SORCS3: variants seen among roughly 807,000 people sequenced by gnomAD.
SORCS3 encodes the protein sortilin related VPS10 domain containing receptor 3, also known as VPS10 domain-containing receptor SorCS3.
Under a neutral mutation model 146.3 loss-of-function variants are expected in SORCS3, and 57 were observed. That is an observed-to-expected ratio of 0.39 (90% CI 0.31 to 0.49). The LOEUF is 0.49. SORCS3 is among the 20% of genes least tolerant of loss of function. The probability of loss-of-function intolerance (pLI) is 0.92; values close to 1 mark genes in which losing one functional copy is unlikely to be tolerated. For missense variants in SORCS3, 1,341 were observed against 1,575.5 expected (o/e 0.85, Z 2.52); for synonymous variants, 653 against 618.5 (o/e 1.06, Z -0.83).
At chr10:105,122,867 G>A (rs1564760423) in intron 7 of SORCS3, among the ~76,000 whole-genome samples, 1 of 152,198 alleles carries the variant, frequency 6.6e-6, no homozygotes, top group Non-Finnish European at 1.5e-5. Context: ...CCAAGGGGAA[G>A]TGACTCTTGG....
intron 1 of SORCS3, among the ~76,000 whole-genome samples, chr10:104,802,804 C>T (rs1166570473): frequency 2.0e-5 from 3 of 152,176 alleles, no homozygotes; most frequent in Non-Finnish European, 4.4e-5. Context: ...GAGTAGGAGA[C>T]ACCAAATTGA....
chr10:104,724,001 A>G (rs924340570), intron 1 of SORCS3, among the ~76,000 whole-genome samples: 6 of 152,146 alleles, frequency 3.9e-5, no homozygotes, highest in Admixed American at 6.5e-5. Flanking sequence ...GTGATGTGTG[A>G]ATTTGATCCT....
At chr10:105,009,161 T>G (rs1413006146) in intron 4 of SORCS3, among the ~76,000 whole-genome samples, 1 of 152,148 alleles carries the variant, frequency 6.6e-6, no homozygotes, top group Non-Finnish European at 1.5e-5. Flanking sequence ...TATTTCCAAG[T>G]TGAAGAATTT....
intron 1 of SORCS3, among the ~76,000 whole-genome samples, chr10:104,796,969 G>A (rs2017563702): frequency 6.6e-6 from 1 of 152,212 alleles, no homozygotes; most frequent in Non-Finnish European, 1.5e-5. Flanking sequence ...GATGGCCCTT[G>A]CCTGTCAGTC....
At chr10:104,880,395 C>A (rs1486246646) in intron 2 of SORCS3, among the ~76,000 whole-genome samples, 1 of 152,140 alleles carries the variant, frequency 6.6e-6, no homozygotes, top group Non-Finnish European at 1.5e-5. Context: ...ATTGGCTGTT[C>A]TATGCTCCCT....
At chr10:105,154,575 G>A (rs2056192663) in intron 9 of SORCS3, among the ~76,000 whole-genome samples, 1 of 152,212 alleles carries the variant, frequency 6.6e-6, no homozygotes, top group Admixed American at 6.5e-5. Flanking sequence ...ATCAGCAGCA[G>A]CCAAACATCT....
chr10:104,808,113 G>T (rs1022387383), intron 1 of SORCS3, among the ~76,000 whole-genome samples: 2 of 152,164 alleles, frequency 1.3e-5, no homozygotes, highest in African/African-American at 2.4e-5. Flanking sequence ...AATCTGGGTG[G>T]GGGGAGTGAG....
At chr10:105,161,574 G>C (rs1217900899) in intron 11 of SORCS3, among the ~76,000 whole-genome samples, 1 of 152,094 alleles carries the variant, frequency 6.6e-6, no homozygotes, top group Non-Finnish European at 1.5e-5. Flanking sequence ...GAAGGCAGAT[G>C]GAAATCTAGT....
intron 4 of SORCS3, among the ~76,000 whole-genome samples, chr10:104,992,719 G>T (rs2055002111): frequency 6.6e-6 from 1 of 152,128 alleles, no homozygotes; most frequent in Non-Finnish European, 1.5e-5. Context: ...TCTTCTAGGA[G>T]TCCTTTACTT....
intron 2 of SORCS3, among the ~76,000 whole-genome samples, chr10:104,900,898 TG>T (rs1177386588): frequency 1.8e-5 from 1 of 55,452 alleles, no homozygotes; most frequent in Admixed American, 2.8e-4. Context: ...TATCTTGGGG[TG>T]GGGGGAGGGG....
intron 1 of SORCS3, among the ~76,000 whole-genome samples, chr10:104,715,741 G>T (rs1192382190): frequency 6.6e-6 from 1 of 152,160 alleles, no homozygotes; most frequent in Non-Finnish European, 1.5e-5. Context: ...ATAAGGACTA[G>T]TTCTTATCAC....
chr10:104,847,705 A>G (rs2018222260), intron 2 of SORCS3, among the ~76,000 whole-genome samples: 1 of 152,156 alleles, frequency 6.6e-6, no homozygotes, highest in African/African-American at 2.4e-5. Flanking sequence ...TTTGCAAAGA[A>G]TGATCCCTTC....
chr10:104,742,905 T>C (rs1173894658), intron 1 of SORCS3, among the ~76,000 whole-genome samples: 2 of 152,230 alleles, frequency 1.3e-5, no homozygotes, highest in Admixed American at 6.5e-5. Flanking sequence ...GGAGCACTTA[T>C]TATTATTATT....
At chr10:104,801,804 T>C (rs1293786147) in intron 1 of SORCS3, among the ~76,000 whole-genome samples, 1 of 152,226 alleles carries the variant, frequency 6.6e-6, no homozygotes, top group Non-Finnish European at 1.5e-5. Flanking sequence ...TCTTACAGTG[T>C]CATTGTAGTA....
At chr10:105,145,957 C>T (rs2056128304) in intron 8 of SORCS3, among the ~76,000 whole-genome samples, 1 of 152,010 alleles carries the variant, frequency 6.6e-6, no homozygotes, top group South Asian at 2.1e-4. Flanking sequence ...ACATTACAGA[C>T]ATTGCTGTTT....
In SORCS3 at chr10:104,702,177, G is replaced by A. The variant is rs924927277; in HGVS notation, c.627+60223G>A. On this transcript the variant is annotated intron_variant, in intron 1 of 26. Transcript: ENST00000369701. Reference sequence around the variant, plus strand: ...CTGTTGGATTCTGTCTATGCGGACCGCTGTGTTTGAGCACAATGGAAACAC... The same window carrying A: ...CTGTTGGATTCTGTCTATGCGGACCACTGTGTTTGAGCACAATGGAAACAC... Among the ~76,000 whole-genome samples the A allele has an allele frequency of 4.6e-5, 7 of 152,292 alleles. No homozygotes were observed. In the East Asian group the frequency reaches 9.6e-4, roughly 21 times the overall value.
chr10:104,932,844 A>T (rs2019221378), intron 3 of SORCS3, among the ~76,000 whole-genome samples: 2 of 152,064 alleles, frequency 1.3e-5, no homozygotes, highest in African/African-American at 4.8e-5. Context: ...AGGTGCACTT[A>T]CCACTCCCAG....
intron 1 of SORCS3, among the ~76,000 whole-genome samples, chr10:104,703,086 C>T (rs747141355): frequency 2.0e-5 from 3 of 152,134 alleles, no homozygotes; most frequent in Non-Finnish European, 2.9e-5. Flanking sequence ...ATTTTCCTGA[C>T]CATTTTAAAC....
At chr10:104,741,989 C>T (rs1399309366) in intron 1 of SORCS3, among the ~76,000 whole-genome samples, 2 of 151,686 alleles carry the variant, frequency 1.3e-5, no homozygotes, top group Non-Finnish European at 2.9e-5. Context: ...TTTCCTTGTT[C>T]TTGGTATCAG....
Sources: allele counts gnomAD v4.1 joint callset (sites outside exome capture counted in the v4.1 genomes callset), GRCh38; gene constraint gnomAD v4.1.1; transcripts MANE v1.5; gene names NCBI Gene and HGNC (gene_info 2026-07-23, HGNC 2026-07-21).